The following PRRC2C variants were observed in gnomAD, a reference collection of about 807,000 sequenced individuals.
PRRC2C encodes proline rich coiled-coil 2C.
In PRRC2C, 72 loss-of-function variants were observed where a neutral mutation model predicts 317.2. That is an observed-to-expected ratio of 0.23 (90% CI 0.19 to 0.28). PRRC2C has a LOEUF of 0.28. PRRC2C is among the 10% of genes least tolerant of loss of function. The probability of loss-of-function intolerance (pLI) is 1.00; values close to 1 mark genes in which losing one functional copy is unlikely to be tolerated. For synonymous variants in PRRC2C, 1,296 were observed against 1,205.9 expected, an observed-to-expected ratio of 1.07 and a Z score of -1.55; for missense variants, 3,074 against 3,459.7, an observed-to-expected ratio of 0.89 and a Z score of 2.80.
chr1:171,579,988 T>G, intron 28 of PRRC2C, 24 bp downstream of exon 28: 1 of 1,469,368 alleles, frequency 6.8e-7, no homozygotes, highest in Non-Finnish European at 9.0e-7. Flanking sequence ...AAGTTATGTT[T>G]GTAATGATGT....
chr1:171,566,141 C>A, intron 20 of PRRC2C, 92 bp from the exon 21 acceptor site: 5 of 1,006,008 alleles, frequency 5.0e-6, no homozygotes, highest in South Asian at 1.9e-5. Context: ...TTGTCTTAAA[C>A]CTTCTATTGT....
At chr1:171,553,290 G>T (rs192420754) in intron 18 of PRRC2C, among the ~76,000 whole-genome samples, 1 of 152,096 alleles carries the variant, frequency 6.6e-6, no homozygotes, top group Non-Finnish European at 1.5e-5. Context: ...TTGTATTTCC[G>T]TGGGATTGGT....
intron 2 of PRRC2C, 191 bp downstream of exon 2, chr1:171,512,391 A>T (rs774499111): frequency 6.1e-6 from 3 of 488,822 alleles, no homozygotes; most frequent in Middle Eastern, 6.0e-4. Context: ...TTATACTTTC[A>T]TAGAGCCCTT....
chr1:171,487,594 A>G lies in PRRC2C; in HGVS notation c.-58+1859A>G, dbSNP rs533606469. 2.0e-5 allele frequency among the ~76,000 whole-genome samples: 3 copies of G among 152,298 alleles called. No homozygotes were observed. The South Asian group carries it at 6.2e-4, about 32-fold the overall frequency. On this transcript the variant is annotated intron_variant, in intron 1 of 34. Transcript: ENST00000647382. Reference sequence around the variant, plus strand: ...ACTAACTCTACCATGTCGTAGATATAATTTTTAAATTTAGGCGTCTGATCT... The same window carrying G: ...ACTAACTCTACCATGTCGTAGATATGATTTTTAAATTTAGGCGTCTGATCT...
In PRRC2C at chr1:171,485,560, C is replaced by T. The variant is rs1462506964; in HGVS notation, c.-233C>T. 1.3e-5 allele frequency: 2 copies of T among 152,724 alleles called. No individual in the cohort carries two copies. Among genetic ancestry groups the T allele is most frequent in the Non-Finnish European group, 2.9e-5 (2 of 68,080 alleles). The allele number at this position is 152,724 out of a possible 1,614,324, so 9.5% of individuals were successfully genotyped here. ...CTTGCTTCTTTTTCTCGCTCGCTCG[C>T]TCCCCCTCGGAAAGCTGCGAAAGTG... On this transcript the variant is annotated 5_prime_UTR_variant, in exon 1 of 35. Coordinates refer to ENST00000647382, the MANE Select transcript of PRRC2C (RefSeq NM_001387844.1).
intron 17 of PRRC2C, among the ~76,000 whole-genome samples, 181 bp from the exon 18 acceptor site, chr1:171,549,905 T>A (rs902368157): frequency 6.6e-6 from 1 of 152,134 alleles, no homozygotes; most frequent in Admixed American, 6.6e-5. Flanking sequence ...ATGAAATCTT[T>A]TCAGATCTTT....
chr1:171,489,823 C>A (rs970637072), intron 1 of PRRC2C, among the ~76,000 whole-genome samples: 11 of 152,212 alleles, frequency 7.2e-5, no homozygotes, highest in African/African-American at 1.2e-4. Flanking sequence ...AAACTTAAAT[C>A]ATTCACAATT....
rs1671651954 is a variant in PRRC2C, at chr1:171,512,937, G to A, written c.113-58G>A. ...CCTATTGTTTTTCTATATTGTTTGA[G>A]GAATAAAATGGGTAATAAAATAGAT... On this transcript the variant is annotated intron_variant, in intron 2 of 34. Coordinates refer to ENST00000647382, the MANE Select transcript of PRRC2C (RefSeq NM_001387844.1). 9.1e-6 allele frequency: 13 copies of A among 1,429,518 alleles called. 1 individual carries two copies. Among genetic ancestry groups the A allele is most frequent in the Non-Finnish European group, 1.2e-5 (13 of 1,058,736 alleles). The allele number at this position is 1,429,518 out of a possible 1,614,324, so 88.6% of individuals were successfully genotyped here.
At chr1:171,554,444 A>G (rs1680937965) in intron 18 of PRRC2C, among the ~76,000 whole-genome samples, 2 of 152,168 alleles carry the variant, frequency 1.3e-5, no homozygotes, top group Admixed American at 1.3e-4. Context: ...GTGTCTTTTA[A>G]TTGGGGCATT....
chr1:171,524,553 G>A (rs966214863), intron 9 of PRRC2C, among the ~76,000 whole-genome samples: 2 of 152,110 alleles, frequency 1.3e-5, no homozygotes, highest in African/African-American at 4.8e-5. Flanking sequence ...CTTATGTAGA[G>A]GAGATAGGAA....
intron 1 of PRRC2C, among the ~76,000 whole-genome samples, chr1:171,492,689 G>A (rs755349393): frequency 3.9e-5 from 6 of 152,022 alleles, no homozygotes; most frequent in Non-Finnish European, 8.8e-5. Flanking sequence ...ACAACATTAA[G>A]GTGACCCTGT....
chr1:171,528,474 G>A (rs892177786), intron 11 of PRRC2C, among the ~76,000 whole-genome samples: 5 of 151,314 alleles, frequency 3.3e-5, no homozygotes, highest in African/African-American at 4.9e-5. Flanking sequence ...GTTTTTTTTA[G>A]TAGAGACGGG....
intron 1 of PRRC2C, among the ~76,000 whole-genome samples, chr1:171,494,443 T>C (rs1031964555): frequency 6.6e-6 from 1 of 152,224 alleles, no homozygotes; most frequent in Non-Finnish European, 1.5e-5. Context: ...ATTCTTAGCT[T>C]TACTATTATA....
rs376418190 is a variant in PRRC2C, at chr1:171,540,868, C to T, written c.3402C>T (p.Val1134=). 1.2e-5 allele frequency: 19 copies of T among 1,613,322 alleles called. No homozygotes were observed. The highest frequency in any genetic ancestry group is 1.6e-5 in the Non-Finnish European group (19 of 1,179,716). The change falls in exon 16 of 35, where the codon GTC becomes GTT. Residue 1134 remains valine (V), a synonymous_variant. Transcript: ENST00000647382. ...VNQQTMAAPV[V]KEEKQPEKVI... ...AACAGACTATGGCAGCACCAGTAGT[C>T]AAAGAAGAAAAACAACCTGAGAAAG... is the stretch of plus-strand genomic sequence containing the variant.
intron 9 of PRRC2C, 66 bp from the exon 10 acceptor site, chr1:171,524,755 A>C (rs1557913383): frequency 1.4e-6 from 2 of 1,431,206 alleles, no homozygotes; most frequent in Non-Finnish European, 9.2e-7. Context: ...TTTTAATTGC[A>C]AAAATAATGT....
chr1:171,567,012 G>A (rs1004868311), intron 22 of PRRC2C, among the ~76,000 whole-genome samples, 169 bp downstream of exon 22: 1 of 152,114 alleles, frequency 6.6e-6, no homozygotes, highest in African/African-American at 2.4e-5. Context: ...ATCTAAAGAA[G>A]TTCTTTATAG....
chr1:171,576,428 C>T (rs1685706389), intron 25 of PRRC2C, among the ~76,000 whole-genome samples: 1 of 152,128 alleles, frequency 6.6e-6, no homozygotes, highest in Non-Finnish European at 1.5e-5. Flanking sequence ...GAATTTTGGT[C>T]CACTCTCAGG....
chr1:171,591,472 C>A, intron 34 of PRRC2C, 115 bp from the exon 35 acceptor site: 2 of 1,351,024 alleles, frequency 1.5e-6, no homozygotes, highest in Non-Finnish European at 2.0e-6. Flanking sequence ...TGGCTTTGGC[C>A]AAACCAGTGT....
chr1:171,522,931 T>C (rs1190110399), intron 7 of PRRC2C, among the ~76,000 whole-genome samples: 1 of 151,826 alleles, frequency 6.6e-6, no homozygotes, highest in Admixed American at 6.6e-5. Flanking sequence ...CCTCAAAATA[T>C]ATATTTTGAA....
Sources: allele counts gnomAD v4.1 joint callset (sites outside exome capture counted in the v4.1 genomes callset), GRCh38; gene constraint gnomAD v4.1.1; transcripts MANE v1.5; gene names NCBI Gene and HGNC (gene_info 2026-07-23, HGNC 2026-07-21).